SLIT3: variants seen among roughly 807,000 people sequenced by gnomAD.
SLIT3 encodes slit guidance ligand 3.
SLIT3 carries 68 observed loss-of-function variants against 184.0 expected under a neutral mutation model. That is an observed-to-expected ratio of 0.37 (90% CI 0.30 to 0.45). The LOEUF (loss-of-function observed/expected upper bound fraction) is 0.45, where lower values mean the gene tolerates loss of function less well. Among genes scored for constraint, SLIT3 ranks in the 20% least tolerant of loss-of-function variants. The pLI, the probability that SLIT3 is intolerant of heterozygous loss-of-function variation, is 1.00. For synonymous variants in SLIT3, 831 were observed against 828.6 expected (o/e 1.00, Z -0.05); for missense variants, 1,707 against 2,026.0 (o/e 0.84, Z 3.02).
intron 5 of SLIT3, among the ~76,000 whole-genome samples, chr5:168,853,210 T>C (rs534072399): frequency 6.6e-6 from 1 of 152,278 alleles, no homozygotes; most frequent in South Asian, 2.1e-4. Context: ...TATTACAAGA[T>C]TGAAATACAA....
chr5:169,023,901 G>A (rs1267559254), intron 4 of SLIT3: 2 of 152,150 alleles, frequency 1.3e-5, no homozygotes, highest in Non-Finnish European at 2.9e-5. Context: ...GCTGGGAAAA[G>A]GGAAAGAAAT....
chr5:169,088,676 CA>C (rs1407316106), intron 4 of SLIT3, among the ~76,000 whole-genome samples: 1 of 151,994 alleles, frequency 6.6e-6, no homozygotes, highest in Non-Finnish European at 1.5e-5. Flanking sequence ...GCTGGGTATC[CA>C]AATCTCCAAG....
Position 168,762,627 on chromosome 5 carries a change from T to A in SLIT3, c.1522A>T (p.Lys508Ter). Reference protein sequence around the residue: ...ECFMDLVCPEKCRCEGTIVDC... With the variant: ...ECFMDLVCPE ...ACAATCGTGCCCTCACAGCGACACT[T>A]CTCGGGGCACACGAGGTCCATGAAG... The change falls in exon 15 of 36, where the codon AAG becomes TAG. Residue 508 changes from lysine to a stop codon, truncating the protein, a stop_gained. Coordinates refer to ENST00000519560, the MANE Select transcript of SLIT3 (RefSeq NM_003062.4). LOFTEE classifies it high-confidence loss of function. 1 of 1,614,028 alleles carries A rather than the reference T, an allele frequency of 6.2e-7. No individual in the cohort carries two copies. The highest frequency in any genetic ancestry group is 8.5e-7 in the Non-Finnish European group (1 of 1,180,008).
At chr5:169,002,655 T>G (rs1214737985) in intron 4 of SLIT3, among the ~76,000 whole-genome samples, 1 of 152,220 alleles carries the variant, frequency 6.6e-6, no homozygotes, top group Non-Finnish European at 1.5e-5. Flanking sequence ...GGGGCTCTAA[T>G]GTAGAAACAT....
intron 5 of SLIT3, among the ~76,000 whole-genome samples, chr5:168,874,215 G>A (rs538056426): frequency 2.6e-5 from 4 of 152,138 alleles, no homozygotes; most frequent in African/African-American, 9.6e-5. Flanking sequence ...ATAATAAATT[G>A]TACTGCTGGC....
chr5:168,924,493 G>T (rs1031122247), intron 4 of SLIT3, among the ~76,000 whole-genome samples: 7 of 140,664 alleles, frequency 5.0e-5, no homozygotes, highest in Admixed American at 3.4e-4. Flanking sequence ...GGTGTGTAAG[G>T]GTGTGTGTGT....
rs115303201 is a variant in SLIT3 at position 168,948,939 on chromosome 5, T to A, written c.414-65603A>T. Among the ~76,000 whole-genome samples, 667 of 152,298 alleles carry A rather than the reference T, an allele frequency of 4.4e-3. 8 individuals are homozygous for A. The highest frequency in any genetic ancestry group is 0.015 in the African/African-American group (625 of 41,570). On this transcript the variant is annotated intron_variant, in intron 4 of 35. Transcript: ENST00000519560. ...ACTTTGGGTGTGTCTTCCTGAGCTA[T>A]GAAGGGAGGAGTGTGGACTAGCTTA...
chr5:168,954,548 A>G (rs1437348550), intron 4 of SLIT3, among the ~76,000 whole-genome samples: 1 of 152,212 alleles, frequency 6.6e-6, no homozygotes, highest in Non-Finnish European at 1.5e-5. Flanking sequence ...TAATCTATCC[A>G]TTAATCAACA....
intron 15 of SLIT3, among the ~76,000 whole-genome samples, chr5:168,761,279 G>C (rs561524085): frequency 1.3e-5 from 2 of 152,278 alleles, no homozygotes; most frequent in East Asian, 3.9e-4. Flanking sequence ...CCCCCAGGAA[G>C]GTTTCTCCAG....
chr5:168,768,352 T>G, intron 14 of SLIT3: 1 of 459,120 alleles, frequency 2.2e-6, no homozygotes, highest in Non-Finnish European at 4.4e-6. Flanking sequence ...CCACTGAGCG[T>G]GATTAGTATC....
At chr5:168,754,074 G>T in intron 16 of SLIT3, 67 bp from the exon 17 acceptor site, 1 of 1,487,778 alleles carries the variant, frequency 6.7e-7, no homozygotes, top group South Asian at 1.3e-5. Context: ...GGGAGGGGAT[G>T]ACTTGCCCTG....
rs115612939 is a variant in SLIT3, at chr5:168,757,940, A to G, written c.1685+2922T>C. 2.6e-3 allele frequency among the ~76,000 whole-genome samples: 392 copies of G among 152,358 alleles called. 4 individuals carry two copies. Among genetic ancestry groups the G allele is most frequent in the African/African-American group, 9.0e-3 (376 of 41,586 alleles). ...ATGAAACTAAGGCTCAGAAAGGCTA[A>G]GGACATTCCTGGTGTCACATAACTG... is the stretch of plus-strand genomic sequence containing the variant. On this transcript the variant is annotated intron_variant, in intron 16 of 35. Coordinates refer to ENST00000519560, the MANE Select transcript of SLIT3 (RefSeq NM_003062.4).
chr5:168,762,812 A>C, intron 14 of SLIT3, 123 bp from the exon 15 acceptor site: 1 of 958,522 alleles, frequency 1.0e-6, no homozygotes, highest in Non-Finnish European at 1.6e-6. Context: ...GGGGTCAAGT[A>C]ACAGACACGG....
At chr5:168,961,164 T>G (rs377129246) in intron 4 of SLIT3, among the ~76,000 whole-genome samples, 1 of 152,184 alleles carries the variant, frequency 6.6e-6, no homozygotes, top group African/African-American at 2.4e-5. Flanking sequence ...GAGAGACCAC[T>G]GCGTCTTTGA....
intron 16 of SLIT3, 43 bp from the exon 17 acceptor site, chr5:168,754,050 A>G: frequency 3.3e-6 from 5 of 1,524,510 alleles, no homozygotes; most frequent in Non-Finnish European, 4.4e-6. Context: ...AAAGGAGCAG[A>G]TGGTCTTGAT....
Position 169,300,085 on chromosome 5 carries a change from G to A in SLIT3, c.197+428C>T, listed in dbSNP as rs1297947774. 2.0e-5 allele frequency among the ~76,000 whole-genome samples: 3 copies of A among 152,226 alleles called. No homozygotes were observed. The highest frequency in any genetic ancestry group is 2.9e-5 in the Non-Finnish European group (2 of 68,038). ...GATCTCCAAGCAGGTCAACAGTCTC[G>A]GGCCCTCTCTCCCGCCTCCGCGCCT... On this transcript the variant is annotated intron_variant, in intron 1 of 35. Transcript: ENST00000519560. This position sits in a 1 kb window ranked among gnomAD's most constrained non-coding sequence, Gnocchi z 4.1.
chr5:169,177,826 G>A (rs1354765509), intron 4 of SLIT3, among the ~76,000 whole-genome samples: 2 of 152,174 alleles, frequency 1.3e-5, no homozygotes, highest in East Asian at 1.9e-4. Context: ...CCCACCTCAA[G>A]GAGACTTCCT....
chr5:169,229,681 A>AC (rs1764931799), intron 3 of SLIT3, among the ~76,000 whole-genome samples: 1 of 132,586 alleles, frequency 7.5e-6, no homozygotes, highest in African/African-American at 2.6e-5. Flanking sequence ...CTTATTCATC[A>AC]CTCTTGGGCC....
intron 1 of SLIT3, among the ~76,000 whole-genome samples, chr5:169,299,853 C>T (rs1349372832): frequency 6.6e-6 from 1 of 152,106 alleles, no homozygotes; most frequent in East Asian, 1.9e-4. Flanking sequence ...TTTCCATTCT[C>T]CGGCCCCTTC....
Sources: allele counts gnomAD v4.1 joint callset (sites outside exome capture counted in the v4.1 genomes callset), GRCh38; gene constraint gnomAD v4.1.1; non-coding constraint Gnocchi (gnomAD v3.1); transcripts MANE v1.5; gene names NCBI Gene and HGNC (gene_info 2026-07-23, HGNC 2026-07-21).